Variants in GOLGB1 observed in about 807,000 individuals in gnomAD.
The protein encoded by GOLGB1 is golgin B1, also known as golgin subfamily B member 1.
GOLGB1 carries 174 observed loss-of-function variants against 336.9 expected under a neutral mutation model. That is an observed-to-expected ratio of 0.52 (90% CI 0.46 to 0.59). The LOEUF (loss-of-function observed/expected upper bound fraction) is 0.59. Among genes scored for constraint, GOLGB1 ranks in the 20% least tolerant of loss-of-function variants. The pLI is 0.00. For missense variants in GOLGB1, 3,331 were observed against 3,645.3 expected (o/e 0.91, Z 2.22); for synonymous variants, 1,208 against 1,289.2 (o/e 0.94, Z 1.35).
chr3:121,670,762 G>A (rs547993815), intron 17 of GOLGB1, among the ~76,000 whole-genome samples: 4 of 149,068 alleles, frequency 2.7e-5, no homozygotes, highest in African/African-American at 9.8e-5. Context: ...TTTTGGGGGG[G>A]GGGGTGTGGG....
intron 2 of GOLGB1, 149 bp downstream of exon 2, chr3:121,730,727 G>T: frequency 1.5e-6 from 1 of 676,634 alleles, no homozygotes; most frequent in Non-Finnish European, 2.3e-6. Flanking sequence ...TACAAGAGAA[G>T]GATCACTTAT....
intron 10 of GOLGB1, among the ~76,000 whole-genome samples, chr3:121,713,117 G>A (rs144055294): frequency 4.6e-5 from 7 of 152,010 alleles, no homozygotes; most frequent in East Asian, 1.9e-4. Flanking sequence ...AGCCGAGATC[G>A]CACCACTGTT....
intron 19 of GOLGB1, 133 bp downstream of exon 19, chr3:121,667,928 A>C (rs553401026): frequency 1.7e-6 from 1 of 579,706 alleles, no homozygotes; most frequent in Non-Finnish European, 3.1e-6. Context: ...TTTGATCCTC[A>C]CATCACTTCT....
At chr3:121,712,523 C>G (rs1348099461) in intron 10 of GOLGB1, among the ~76,000 whole-genome samples, 2 of 151,982 alleles carry the variant, frequency 1.3e-5, no homozygotes, top group Non-Finnish European at 2.9e-5. Context: ...AGGCAAGCCA[C>G]AAAGCCACAG....
At chr3:121,729,144 G>GT (rs779081410) in intron 4 of GOLGB1, 44 bp downstream of exon 4, 8 of 1,433,150 alleles carry the variant, frequency 5.6e-6, no homozygotes, top group African/African-American at 1.4e-5. Context: ...GTATTGGTAG[G>GT]TTTTTTCAAC....
intron 10 of GOLGB1, among the ~76,000 whole-genome samples, chr3:121,708,786 T>C (rs1394296021): frequency 1.3e-5 from 2 of 152,112 alleles, no homozygotes; most frequent in Non-Finnish European, 2.9e-5. Context: ...AAGAAACTTC[T>C]AATTATCGAA....
At chr3:121,727,301 T>C (rs1475556437) in intron 4 of GOLGB1, among the ~76,000 whole-genome samples, 1,289 of 35,514 alleles carry the variant, frequency 0.036, 50 homozygotes, top group East Asian at 0.093. Flanking sequence ...CACATATATA[T>C]ATATATATAT....
In GOLGB1 at chr3:121,729,358, T is replaced by C. The variant is rs376204713; in HGVS notation, c.250-18A>G. The C allele has an allele frequency of 6.9e-6, 11 of 1,597,692 alleles. No individual in the cohort carries two copies. The highest frequency in any genetic ancestry group is 2.2e-5 in the South Asian group (2 of 90,020). On this transcript the variant is annotated intron_variant, in intron 3 of 21. Coordinates refer to ENST00000614479, the MANE Select transcript of GOLGB1 (RefSeq NM_001366282.2). The stretch of plus-strand genomic sequence containing the variant: ...CTCTCTTCCTGCCCAAAAACAATGA[T>C]GGTAAATACATAAATGTTTATTCCC...
At chr3:121,739,270 A>G (rs1404695770) in intron 1 of GOLGB1, among the ~76,000 whole-genome samples, 2 of 152,144 alleles carry the variant, frequency 1.3e-5, no homozygotes, top group African/African-American at 4.8e-5. Context: ...GTCACAAAAA[A>G]GAAAAAAAGA....
At chr3:121,704,477 T>C (rs1289453488) in intron 10 of GOLGB1, among the ~76,000 whole-genome samples, 1 of 152,184 alleles carries the variant, frequency 6.6e-6, no homozygotes, top group East Asian at 1.9e-4. Context: ...AAACACCTTC[T>C]TTAAAGTACT....
chr3:121,732,921 TAA>T (rs899345514), intron 1 of GOLGB1, among the ~76,000 whole-genome samples: 5 of 151,946 alleles, frequency 3.3e-5, no homozygotes, highest in Admixed American at 6.6e-5. Context: ...AAGGAAGAAA[TAA>T]AACTGTCTCA....
chr3:121,735,739 T>C (rs1319055256), intron 1 of GOLGB1, among the ~76,000 whole-genome samples: 1 of 152,212 alleles, frequency 6.6e-6, no homozygotes, highest in Admixed American at 6.5e-5. Context: ...AGTATAGATA[T>C]GTATGCATTA....
At chr3:121,674,494 C>T (rs1013299620) in intron 17 of GOLGB1, among the ~76,000 whole-genome samples, 2 of 152,086 alleles carry the variant, frequency 1.3e-5, no homozygotes, top group Non-Finnish European at 2.9e-5. Context: ...TCATGTTTTC[C>T]TGAATATTTT....
rs1317133442 is a variant in GOLGB1 at position 121,663,554 on chromosome 3, G to A, written c.*926C>T. 1 of 152,222 alleles carries A rather than the reference G, an allele frequency of 6.6e-6. No homozygotes were observed. The highest frequency in any genetic ancestry group is 1.5e-5 in the Non-Finnish European group (1 of 68,032). 9.4% of individuals were successfully genotyped at this position (152,222 alleles called of 1,614,324 possible). On this transcript the variant is annotated 3_prime_UTR_variant, in exon 22 of 22. Transcript: ENST00000614479. ...GAAACTGTAATAACTGTCACTAACA[G>A]CAAAGTAGCTTAGTACTTCAAGAGG...
At chr3:121,700,588 C>A (rs1393295088) in intron 11 of GOLGB1, among the ~76,000 whole-genome samples, 1 of 151,996 alleles carries the variant, frequency 6.6e-6, no homozygotes, top group East Asian at 1.9e-4. Flanking sequence ...CTACAGGAAC[C>A]CTCATGCTTT....
chr3:121,719,318 A>G (rs576950074), intron 7 of GOLGB1, among the ~76,000 whole-genome samples: 16 of 152,312 alleles, frequency 1.1e-4, no homozygotes, highest in African/African-American at 3.6e-4. Flanking sequence ...AACTGACTTC[A>G]TTGATTTGAA....
At chr3:121,670,423 C>T (rs1248404350) in intron 17 of GOLGB1, among the ~76,000 whole-genome samples, 1 of 152,136 alleles carries the variant, frequency 6.6e-6, no homozygotes, top group Non-Finnish European at 1.5e-5. Flanking sequence ...TGAGGAAGGG[C>T]ATTTGATGCA....
chr3:121,678,571 AT>A (rs113459060), intron 15 of GOLGB1, among the ~76,000 whole-genome samples: 215 of 146,020 alleles, frequency 1.5e-3, no homozygotes, highest in Admixed American at 1.5e-3. Flanking sequence ...AGCTTTTTGA[AT>A]TTTTTTTTTT....
chr3:121,689,130 G>T (rs980376716), intron 14 of GOLGB1, among the ~76,000 whole-genome samples: 3 of 150,188 alleles, frequency 2.0e-5, no homozygotes, highest in Non-Finnish European at 4.5e-5. Flanking sequence ...CTGCCCGGCC[G>T]CCACCCCGTC....
Sources: allele counts gnomAD v4.1 joint callset (sites outside exome capture counted in the v4.1 genomes callset), GRCh38; gene constraint gnomAD v4.1.1; transcripts MANE v1.5; gene names NCBI Gene and HGNC (gene_info 2026-07-23, HGNC 2026-07-21).